Variants in SFMBT2 observed in about 807,000 individuals in gnomAD.
The protein encoded by SFMBT2 is Scm like with four mbt domains 2.
In SFMBT2, 38 loss-of-function variants were observed where a neutral mutation model predicts 110.1. The ratio of observed to expected loss-of-function variants is 0.35; its 90% confidence interval spans 0.27 to 0.45. The LOEUF (loss-of-function observed/expected upper bound fraction) is 0.45. SFMBT2 is among the 20% of genes least tolerant of loss of function. The pLI, the probability that SFMBT2 is intolerant of heterozygous loss-of-function variation, is 1.00. For missense variants in SFMBT2, 1,011 were observed against 1,094.9 expected (o/e 0.92, Z 1.08); for synonymous variants, 425 against 425.4 (o/e 1.00, Z 0.01).
intron 4 of SFMBT2, chr10:7,348,373 C>T: frequency 6.8e-7 from 1 of 1,470,276 alleles, no homozygotes; most frequent in South Asian, 1.4e-5. Context: ...ATGGCTATAA[C>T]TTGCTCCTAT....
intron 11 of SFMBT2, among the ~76,000 whole-genome samples, chr10:7,213,301 C>A (rs950880436): frequency 6.6e-6 from 1 of 152,078 alleles, no homozygotes; most frequent in South Asian, 2.1e-4. Context: ...AGGAGGAAGG[C>A]AATGCCTGTA....
At position 7,360,858 on chromosome 10, in the gene SFMBT2, G is replaced by GGAAAC. The variant is rs1473470941; in HGVS notation, c.436+6790_436+6791insGTTTC. Among the ~76,000 whole-genome samples the GGAAAC allele has an allele frequency of 3.3e-5, 5 of 152,172 alleles. No homozygotes were observed. In the East Asian group the frequency reaches 9.6e-4, roughly 29 times the overall value. Reference sequence around the variant, plus strand: ...AAAAGGTCCATTCAGTGCCTATTGAGAAAGGGTTACTTTGTTTCCTACCTG... The same window carrying GGAAAC: ...AAAAGGTCCATTCAGTGCCTATTGAGGAAACAAAGGGTTACTTTGTTTCCTACCTG... On this transcript the variant is annotated intron_variant, in intron 4 of 20. Coordinates refer to ENST00000397167, the MANE Select transcript of SFMBT2 (RefSeq NM_001387889.1).
At chr10:7,252,477 C>T (rs557527543) in intron 7 of SFMBT2, among the ~76,000 whole-genome samples, 5 of 152,330 alleles carry the variant, frequency 3.3e-5, no homozygotes, top group Non-Finnish European at 5.9e-5. Context: ...AGACAACACA[C>T]AATCTCTTCC....
At chr10:7,214,193 G>A (rs942542598) in intron 11 of SFMBT2, among the ~76,000 whole-genome samples, 1 of 152,152 alleles carries the variant, frequency 6.6e-6, no homozygotes, top group South Asian at 2.1e-4. Context: ...GAATATATGC[G>A]ATCCTTCTTA....
chr10:7,313,740 C>T (rs756871293), intron 4 of SFMBT2, among the ~76,000 whole-genome samples: 7 of 152,240 alleles, frequency 4.6e-5, no homozygotes, highest in Non-Finnish European at 1.0e-4. Context: ...CGCCTTGGCT[C>T]CCAAAGTGCT....
intron 7 of SFMBT2, among the ~76,000 whole-genome samples, chr10:7,250,337 G>T (rs544094887): frequency 6.6e-6 from 1 of 152,174 alleles, no homozygotes; most frequent in East Asian, 1.9e-4. Context: ...AGAACATGAG[G>T]TATTTGGCTT....
At chr10:7,190,945 A>G (rs1425550863) in intron 15 of SFMBT2, among the ~76,000 whole-genome samples, 1 of 152,190 alleles carries the variant, frequency 6.6e-6, no homozygotes, top group Non-Finnish European at 1.5e-5. Context: ...GTGGTAGTGA[A>G]TAAGTCTCAT....
rs757449448 is a variant in SFMBT2, at chr10:7,171,542, G to A, written c.2415+353C>T. Reference sequence around the variant, plus strand: ...CACAGAGGTGTCCTATAGAGGGGACGTGGGAGCAAGACACAGCGCAGTCAG... The same window carrying A: ...CACAGAGGTGTCCTATAGAGGGGACATGGGAGCAAGACACAGCGCAGTCAG... On this transcript the variant is annotated intron_variant, in intron 19 of 20. Transcript: ENST00000397167. This position sits in a 1 kb window ranked among gnomAD's most constrained non-coding sequence, Gnocchi z 4.9. 75 of 985,294 alleles carry A rather than the reference G, an allele frequency of 7.6e-5. No homozygotes were observed. Among genetic ancestry groups the A allele is most frequent in the Non-Finnish European group, 8.9e-5 (74 of 829,938 alleles). The allele number at this position is 985,294 out of a possible 1,614,324, so 61.0% of individuals were successfully genotyped here.
At chr10:7,248,683 C>T (rs1840701304) in intron 7 of SFMBT2, 34 bp from the exon 8 acceptor site, 5 of 1,598,402 alleles carry the variant, frequency 3.1e-6, no homozygotes, top group Non-Finnish European at 3.4e-6. Context: ...TTGAAAGCCA[C>T]GGTATTGTAA....
intron 7 of SFMBT2, among the ~76,000 whole-genome samples, chr10:7,260,417 C>T (rs139991959): frequency 1.3e-5 from 2 of 152,318 alleles, no homozygotes; most frequent in African/African-American, 2.4e-5. Flanking sequence ...CCTCCTTCCA[C>T]ACCCTAAATA....
chr10:7,349,440 C>CTTTTTTTT (rs369479041), intron 4 of SFMBT2, among the ~76,000 whole-genome samples: 2,907 of 46,822 alleles, frequency 0.062, 515 homozygotes, highest in East Asian at 0.076. Context: ...CTTTTCTTTT[C>CTTTTTTTT]TTTTTTTTTT....
chr10:7,344,647 T>C (rs1191089733), intron 4 of SFMBT2, among the ~76,000 whole-genome samples: 1 of 152,108 alleles, frequency 6.6e-6, no homozygotes. Flanking sequence ...CATTTGGCTG[T>C]TCTGTCTATA....
chr10:7,394,160 G>T (rs1163417122), intron 1 of SFMBT2, among the ~76,000 whole-genome samples: 1 of 152,058 alleles, frequency 6.6e-6, no homozygotes, highest in Admixed American at 6.6e-5. Context: ...ACCATGTCTG[G>T]TAGAGACGGG....
chr10:7,383,020 T>G (rs1390485369), intron 1 of SFMBT2, among the ~76,000 whole-genome samples: 1 of 152,142 alleles, frequency 6.6e-6, no homozygotes. Context: ...CACGACCACA[T>G]GGTGTTTCTC....
chr10:7,204,548 G>A (rs766054458), intron 12 of SFMBT2: 13 of 924,288 alleles, frequency 1.4e-5, no homozygotes, highest in Non-Finnish European at 1.7e-5. Flanking sequence ...TTTTTAAATG[G>A]TACCATTTTG....
chr10:7,273,280 G>A (rs1239770141), intron 7 of SFMBT2, among the ~76,000 whole-genome samples: 1 of 152,190 alleles, frequency 6.6e-6, no homozygotes, highest in South Asian at 2.1e-4. Flanking sequence ...GACCAAGATT[G>A]TTAACAATAT....
chr10:7,205,105 C>CAAAAA, intron 12 of SFMBT2: 2 of 260,620 alleles, frequency 7.7e-6, no homozygotes, highest in Non-Finnish European at 1.2e-5. Context: ...GACAGAGTCT[C>CAAAAA]ACCCTGTCAC....
At chr10:7,224,033 T>C (rs1839828768) in intron 10 of SFMBT2, among the ~76,000 whole-genome samples, 1 of 152,234 alleles carries the variant, frequency 6.6e-6, no homozygotes, top group Middle Eastern at 3.2e-3. Context: ...CTATGTTGAT[T>C]ATCTTTTCTA....
rs1265590670 is a variant in SFMBT2 at position 7,162,317 on chromosome 10, G to C, written c.*1453C>G. The C allele has an allele frequency of 6.6e-6, 1 of 151,900 alleles. No homozygotes were observed. Among genetic ancestry groups the C allele is most frequent in the African/African-American group, 2.4e-5 (1 of 41,076 alleles). 9.4% of individuals were successfully genotyped at this position (151,900 alleles called of 1,614,324 possible). A position where few individuals can be genotyped will look rare whatever the true frequency, so the allele number is the denominator to read the frequency against. On this transcript the variant is annotated 3_prime_UTR_variant, in exon 21 of 21. Coordinates refer to ENST00000397167, the MANE Select transcript of SFMBT2 (RefSeq NM_001387889.1). ...ATCTGGATCTTCCTTTCCAGCATGAGTGGGGTGAATGCCAGCAGGAGACAG... is the reference window on the plus strand; with the variant it reads ...ATCTGGATCTTCCTTTCCAGCATGACTGGGGTGAATGCCAGCAGGAGACAG...
Sources: gnomAD v4.1 joint callset for allele counts (sites outside exome capture counted in the v4.1 genomes callset) on GRCh38, gnomAD v4.1.1 for gene constraint, Gnocchi (gnomAD v3.1) non-coding constraint, MANE v1.5 for transcripts, NCBI Gene and HGNC (gene_info 2026-07-23, HGNC 2026-07-21) for gene names.